The following COX7B2 variants were observed in gnomAD, a reference collection of about 807,000 sequenced individuals.
The protein encoded by COX7B2 is cytochrome c oxidase subunit 7B2.
For synonymous variants in COX7B2, 37 were observed against 32.1 expected (o/e 1.15, Z -0.51); for missense variants, 109 against 95.9 (o/e 1.14, Z -0.57).
At chr4:46,907,584 T>C (rs1301942761) in intron 1 of COX7B2, among the ~76,000 whole-genome samples, 1 of 152,164 alleles carries the variant, frequency 6.6e-6, no homozygotes, top group African/African-American at 2.4e-5. Flanking sequence ...CCATTGCTTT[T>C]TAATTTAATA....
chr4:46,838,406 A>G (rs2109748229), intron 2 of COX7B2, among the ~76,000 whole-genome samples: 2 of 152,226 alleles, frequency 1.3e-5, no homozygotes, highest in South Asian at 4.1e-4. Context: ...ATTAGATGAC[A>G]TAATTGGCAT....
chr4:46,839,876 A>G (rs891540195), intron 2 of COX7B2, among the ~76,000 whole-genome samples: 1 of 152,040 alleles, frequency 6.6e-6, no homozygotes, highest in African/African-American at 2.4e-5. Flanking sequence ...TGTTGAATTA[A>G]AAAATACAAA....
intron 1 of COX7B2, chr4:46,876,835 A>T (rs1718371027): frequency 6.6e-6 from 1 of 152,228 alleles, no homozygotes; most frequent in Non-Finnish European, 1.5e-5. Context: ...TTGTCATTAC[A>T]TTACAAATCT....
chr4:46,770,753 T>C (rs1577685633), intron 2 of COX7B2, among the ~76,000 whole-genome samples: 1 of 152,286 alleles, frequency 6.6e-6, no homozygotes, highest in East Asian at 1.9e-4. Flanking sequence ...TTTACTGGTG[T>C]TGGGAAAATT....
chr4:46,805,774 C>T (rs1272742991), intron 2 of COX7B2, among the ~76,000 whole-genome samples: 2 of 152,082 alleles, frequency 1.3e-5, no homozygotes, highest in African/African-American at 4.8e-5. Flanking sequence ...CTGTTACTCC[C>T]TCCTGCTTCT....
intron 2 of COX7B2, among the ~76,000 whole-genome samples, chr4:46,771,532 G>A (rs577932119): frequency 3.9e-5 from 6 of 152,214 alleles, no homozygotes; most frequent in Admixed American, 2.0e-4. Flanking sequence ...GGGACCAGAG[G>A]TGTTACAGAT....
At chr4:46,793,339 G>A (rs1301720030) in intron 2 of COX7B2, among the ~76,000 whole-genome samples, 1 of 152,072 alleles carries the variant, frequency 6.6e-6, no homozygotes, top group African/African-American at 2.4e-5. Context: ...TTGGGGAGGA[G>A]TTTGGAATGT....
At chr4:46,746,439 G>A (rs1316610432) in intron 2 of COX7B2, among the ~76,000 whole-genome samples, 1 of 152,178 alleles carries the variant, frequency 6.6e-6, no homozygotes, top group African/African-American at 2.4e-5. Flanking sequence ...TAGAATCAGG[G>A]CATTGACCAA....
At chr4:46,764,420 C>T (rs967520402) in intron 2 of COX7B2, among the ~76,000 whole-genome samples, 1 of 151,988 alleles carries the variant, frequency 6.6e-6, no homozygotes, top group African/African-American at 2.4e-5. Context: ...TGGTGGGTGC[C>T]TGTAATCCCA....
intron 1 of COX7B2, among the ~76,000 whole-genome samples, chr4:46,882,591 T>C (rs978547533): frequency 3.3e-5 from 5 of 152,208 alleles, no homozygotes; most frequent in Non-Finnish European, 5.9e-5. Flanking sequence ...GAAATCTGGT[T>C]TGTCCAAAGT....
intron 2 of COX7B2, among the ~76,000 whole-genome samples, chr4:46,832,902 G>A (rs1715248688): frequency 6.7e-6 from 1 of 148,816 alleles, no homozygotes; most frequent in African/African-American, 2.5e-5. Flanking sequence ...TGAACTGTGA[G>A]CCTTTTTTTT....
At chr4:46,800,943 G>T (rs1313741284) in intron 2 of COX7B2, among the ~76,000 whole-genome samples, 2 of 151,872 alleles carry the variant, frequency 1.3e-5, no homozygotes, top group African/African-American at 4.8e-5. Context: ...TTAAAAAATG[G>T]GCAAAGGCAT....
chr4:46,825,882 G>C (rs62305185), intron 2 of COX7B2, among the ~76,000 whole-genome samples: 1 of 152,022 alleles, frequency 6.6e-6, no homozygotes, highest in African/African-American at 2.4e-5. Flanking sequence ...ACCAACACAA[G>C]ATAGATTAAA....
chr4:46,753,218 G>C (rs1407307659), intron 2 of COX7B2, among the ~76,000 whole-genome samples: 1 of 152,126 alleles, frequency 6.6e-6, no homozygotes, highest in Non-Finnish European at 1.5e-5. Context: ...GGTGTTTATA[G>C]TATTCTCTGA....
intron 2 of COX7B2, among the ~76,000 whole-genome samples, chr4:46,799,407 A>G (rs1718533771): frequency 6.6e-6 from 1 of 152,034 alleles, no homozygotes; most frequent in African/African-American, 2.4e-5. Flanking sequence ...ATTGAATTCA[A>G]GCAGCGAGGG....
chr4:46,825,941 G>A (rs985328751), intron 2 of COX7B2, among the ~76,000 whole-genome samples: 1 of 151,984 alleles, frequency 6.6e-6, no homozygotes. Context: ...AATCAACCTA[G>A]GTAGTACCAT....
At position 46,761,886 on chromosome 4, in the gene COX7B2, A is replaced by C. The variant is rs80312427; in HGVS notation, c.-49-26645T>G. 5.5e-3 allele frequency among the ~76,000 whole-genome samples: 826 copies of C among 150,954 alleles called. 7 individuals carry two copies. Among genetic ancestry groups the C allele is most frequent in the African/African-American group, 0.019 (767 of 41,232 alleles). On this transcript the variant is annotated intron_variant, in intron 2 of 2. Transcript: ENST00000355591. ...CACCGTCCATTAAGGCATCTTACTG[A>C]ACTCCTTAATCACAACTGCTGCCTA...
At chr4:46,887,553 T>C (rs907760937) in intron 1 of COX7B2, among the ~76,000 whole-genome samples, 11 of 150,962 alleles carry the variant, frequency 7.3e-5, no homozygotes, top group African/African-American at 2.7e-4. Flanking sequence ...CTACCACAAA[T>C]ACAAAAAATT....
chr4:46,903,226 C>A (rs766015719), intron 1 of COX7B2, among the ~76,000 whole-genome samples: 51 of 152,128 alleles, frequency 3.4e-4, no homozygotes, highest in Non-Finnish European at 4.4e-4. Context: ...TGAGCTACAC[C>A]TTGAAAATGT....
Sources: allele counts gnomAD v4.1 joint callset (sites outside exome capture counted in the v4.1 genomes callset), GRCh38; gene constraint gnomAD v4.1.1; transcripts MANE v1.5; gene names NCBI Gene and HGNC (gene_info 2026-07-23, HGNC 2026-07-21).